The following ASB3 variants were observed in gnomAD, a reference collection of about 807,000 sequenced individuals.
The protein encoded by ASB3 is ankyrin repeat and SOCS box protein 3.
In ASB3, 41 loss-of-function variants were observed where a neutral mutation model predicts 54.5. That is an observed-to-expected ratio of 0.75 (90% CI 0.59 to 0.98). The LOEUF is 0.98. Ranked by LOEUF, ASB3 falls within the 50% of genes least tolerant of loss-of-function variation. The probability of loss-of-function intolerance (pLI) is 0.00; values close to 1 mark genes in which losing one functional copy is unlikely to be tolerated. For synonymous variants in ASB3, 266 were observed against 221.2 expected (o/e 1.20, Z -1.80); for missense variants, 733 against 620.0 (o/e 1.18, Z -1.94).
At chr2:53,746,732 G>A (rs935298412) in intron 3 of ASB3, among the ~76,000 whole-genome samples, 38 of 152,016 alleles carry the variant, frequency 2.5e-4, no homozygotes, top group Admixed American at 1.4e-3. Flanking sequence ...CGCCCGCCTC[G>A]GCCTCCCAAA....
chr2:53,719,337 AG>A (rs1175661684), intron 5 of ASB3, among the ~76,000 whole-genome samples: 1 of 152,242 alleles, frequency 6.6e-6, no homozygotes, highest in Non-Finnish European at 1.5e-5. Flanking sequence ...ATGACAGAGC[AG>A]GAGTATCACC....
At position 53,712,664 on chromosome 2, in the gene ASB3, T is replaced by C. The variant is rs554588917; in HGVS notation, c.980+1720A>G. On this transcript the variant is annotated intron_variant, in intron 7 of 9. Transcript: ENST00000263634. ...CTTATAAGGTGATGAGGCGTGAGCT[T>C]AGCTGCTGTGACCAGAAGGACCAAA... is the stretch of plus-strand genomic sequence containing the variant. 1.1e-4 allele frequency among the ~76,000 whole-genome samples: 16 copies of C among 152,210 alleles called. No homozygotes were observed. In the East Asian group the frequency reaches 2.9e-3, roughly 28 times the overall value.
chr2:53,729,497 A>C lies in ASB3; in HGVS notation c.429T>G (p.Ser143=), dbSNP rs201274554. 8.6e-5 allele frequency: 139 copies of C among 1,613,840 alleles called. No individual in the cohort carries two copies. The highest frequency in any genetic ancestry group is 1.2e-4 in the Non-Finnish European group (137 of 1,179,838). Residue 143 remains serine, a synonymous_variant, in exon 4 of 10, where the codon TCT becomes TCG. Coordinates refer to ENST00000263634, the MANE Select transcript of ASB3 (RefSeq NM_016115.5). ...QHGANVNGSH[S]MCGWNSLHQA... ...GGTGCAAGGAGTTCCATCCACACATAGAATGGGATCCATTAACATTTGCTC... is the reference window on the plus strand; with the variant it reads ...GGTGCAAGGAGTTCCATCCACACATCGAATGGGATCCATTAACATTTGCTC...
intron 1 of ASB3, among the ~76,000 whole-genome samples, chr2:53,779,279 A>G (rs149778947): frequency 6.6e-6 from 1 of 152,222 alleles, no homozygotes; most frequent in African/African-American, 2.4e-5. Context: ...TATATTCTGA[A>G]TTTTAATCCC....
intron 9 of ASB3, among the ~76,000 whole-genome samples, chr2:53,692,555 G>C (rs890961861): frequency 1.3e-5 from 2 of 152,146 alleles, no homozygotes; most frequent in African/African-American, 4.8e-5. Context: ...AATTAAACAA[G>C]AAGCCCTTGA....
chr2:53,759,203 C>T (rs369611009), intron 2 of ASB3, among the ~76,000 whole-genome samples: 27 of 152,152 alleles, frequency 1.8e-4, no homozygotes, highest in African/African-American at 5.8e-4. Flanking sequence ...CTCACTGGGA[C>T]GCAAAATCAG....
chr2:53,678,317 G>A (rs1240586281), intron 9 of ASB3, among the ~76,000 whole-genome samples: 2 of 151,904 alleles, frequency 1.3e-5, no homozygotes, highest in Non-Finnish European at 2.9e-5. Flanking sequence ...CAACCATCCC[G>A]CCTTCAACCC....
intron 1 of ASB3, chr2:53,774,093 A>G (rs201851440): frequency 1.3e-6 from 2 of 1,515,124 alleles, no homozygotes; most frequent in East Asian, 4.5e-5. Flanking sequence ...TTCTTCACCT[A>G]TTTTAATTAG....
intron 7 of ASB3, among the ~76,000 whole-genome samples, chr2:53,711,797 G>A (rs1670113626): frequency 6.6e-6 from 1 of 151,926 alleles, no homozygotes; most frequent in South Asian, 2.1e-4. Context: ...AAAGAAATGG[G>A]AAAATTCGTT....
chr2:53,751,341 T>C (rs1672499894), intron 2 of ASB3, among the ~76,000 whole-genome samples: 1 of 152,192 alleles, frequency 6.6e-6, no homozygotes, highest in African/African-American at 2.4e-5. Context: ...AGGGAAATGG[T>C]CTGATCTCTT....
intron 9 of ASB3, among the ~76,000 whole-genome samples, chr2:53,672,707 A>G (rs724387): frequency 0.049 from 7,390 of 152,284 alleles, 226 homozygotes; most frequent in Non-Finnish European, 0.066. Context: ...TTTACTCACC[A>G]CTATATAAAT....
chr2:53,785,800 C>T (rs1190996220), intron 1 of ASB3, among the ~76,000 whole-genome samples: 4 of 152,246 alleles, frequency 2.6e-5, no homozygotes, highest in Admixed American at 1.3e-4. Context: ...CAAGATTATG[C>T]CTCTGCACTC....
chr2:53,752,903 A>T (rs1218096682), intron 2 of ASB3, among the ~76,000 whole-genome samples: 1 of 152,230 alleles, frequency 6.6e-6, no homozygotes, highest in Non-Finnish European at 1.5e-5. Flanking sequence ...ATGTTACATT[A>T]CAGAAGCCAA....
chr2:53,729,705 T>C (rs759800954), intron 3 of ASB3, 135 bp from the exon 4 acceptor site: 5 of 679,500 alleles, frequency 7.4e-6, no homozygotes, highest in East Asian at 2.8e-5. Flanking sequence ...GTTATCACAA[T>C]TGTCTTAGCC....
In ASB3 at chr2:53,716,704, G is replaced by C. The variant is rs776051219; in HGVS notation, c.644C>G (p.Pro215Arg). 6.2e-7 allele frequency: 1 copy of C among 1,613,882 alleles called. No individual in the cohort carries two copies. Among genetic ancestry groups the C allele is most frequent in the Non-Finnish European group, 8.5e-7 (1 of 1,179,926 alleles). The change falls in exon 6 of 10, where the codon CCC becomes CGC. Residue 215 changes from proline (P) to arginine (R), a missense_variant. Coordinates refer to ENST00000263634, the MANE Select transcript of ASB3 (RefSeq NM_016115.5). ...VNCQALDKAT[P>R]LFIAAQEGHT... ...TCCCTCTTGAGCAGCAATGAACAAG[G>C]GTGTAGCTTTGTCCAAGGCTTGACA...
At chr2:53,721,060 G>C (rs958664222) in intron 5 of ASB3, among the ~76,000 whole-genome samples, 2 of 151,616 alleles carry the variant, frequency 1.3e-5, no homozygotes, top group African/African-American at 4.9e-5. Context: ...GGAGGTTGCA[G>C]TGAGCCAAGA....
intron 1 of ASB3, among the ~76,000 whole-genome samples, chr2:53,776,064 G>A (rs957816691): frequency 2.0e-5 from 3 of 152,056 alleles, no homozygotes; most frequent in Non-Finnish European, 4.4e-5. Flanking sequence ...TTCACCATAA[G>A]AACTTCAGTA....
intron 9 of ASB3, among the ~76,000 whole-genome samples, chr2:53,687,217 C>A (rs1668676823): frequency 6.6e-6 from 1 of 151,890 alleles, no homozygotes; most frequent in South Asian, 2.1e-4. Flanking sequence ...AGTTGGAACC[C>A]TGTTAAAATG....
Position 53,769,741 on chromosome 2 carries a change from T to C in ASB3, c.-13-4156A>G, listed in dbSNP as rs573099641. 2.0e-5 allele frequency among the ~76,000 whole-genome samples: 3 copies of C among 152,244 alleles called. No homozygotes were observed. In the South Asian group the frequency reaches 6.2e-4, roughly 32 times the overall value. On this transcript the variant is annotated intron_variant, in intron 1 of 9. Coordinates refer to ENST00000263634, the MANE Select transcript of ASB3 (RefSeq NM_016115.5). Reference sequence around the variant, plus strand: ...CACGCCAGTAGAGTCCCAGCTACTCTGGAGGCTGAGGCAGGAGAATCGCTT... The same window carrying C: ...CACGCCAGTAGAGTCCCAGCTACTCCGGAGGCTGAGGCAGGAGAATCGCTT...
Sources: allele counts gnomAD v4.1 joint callset (sites outside exome capture counted in the v4.1 genomes callset), GRCh38; gene constraint gnomAD v4.1.1; transcripts MANE v1.5; gene names NCBI Gene and HGNC (gene_info 2026-07-23, HGNC 2026-07-21).